The following ARHGEF26 variants were observed in gnomAD, a reference collection of about 807,000 sequenced individuals.
ARHGEF26 encodes Rho guanine nucleotide exchange factor 26.
Under a neutral mutation model 89.4 loss-of-function variants are expected in ARHGEF26, and 59 were observed. That is an observed-to-expected ratio of 0.66 (90% CI 0.54 to 0.82). ARHGEF26 has a LOEUF of 0.82. Ranked by LOEUF, ARHGEF26 falls within the 40% of genes least tolerant of loss-of-function variation. The probability of loss-of-function intolerance (pLI) is 0.00; values close to 1 mark genes in which losing one functional copy is unlikely to be tolerated. For missense variants in ARHGEF26, 1,234 were observed against 1,085.6 expected (o/e 1.14, Z -1.92); for synonymous variants, 500 against 428.4 (o/e 1.17, Z -2.06).
chr3:154,234,468 A>C (rs1482879089), intron 11 of ARHGEF26, among the ~76,000 whole-genome samples: 1 of 152,174 alleles, frequency 6.6e-6, no homozygotes, highest in Non-Finnish European at 1.5e-5. Flanking sequence ...TTTTCTTCAC[A>C]ACTCTTTATG....
chr3:154,239,297 AGAGTGTGT>A (rs1559920614), intron 11 of ARHGEF26, among the ~76,000 whole-genome samples: 2 of 52,950 alleles, frequency 3.8e-5, no homozygotes, highest in Non-Finnish European at 8.1e-5. Flanking sequence ...AGAGAGAGAG[AGAGTGTGT>A]GTGTGTGTGT....
At position 154,231,662 on chromosome 3, in the gene ARHGEF26, A is replaced by G. The variant is rs181110622; in HGVS notation, c.2090+5652A>G. Among the ~76,000 whole-genome samples the G allele has an allele frequency of 6.1e-3, 928 of 152,312 alleles. 3 individuals are homozygous for G. Among genetic ancestry groups the G allele is most frequent in the Non-Finnish European group, 0.01 (681 of 68,024 alleles). On this transcript the variant is annotated intron_variant, in intron 11 of 14. Coordinates refer to ENST00000465093, the MANE Select transcript of ARHGEF26 (RefSeq NM_015595.4). ...TTCTAGAATATTTTATTGTTTTTAA[A>G]AAATGATTTTAAACCTTTACGTAAT...
Position 154,257,139 on chromosome 3 carries a change from C to A in ARHGEF26, c.*1666C>A. On this transcript the variant is annotated 3_prime_UTR_variant, in exon 15 of 15. Coordinates refer to ENST00000465093, the MANE Select transcript of ARHGEF26 (RefSeq NM_015595.4). Reference sequence around the variant, plus strand: ...AAGTGTGCCTGGCTCACACAGCCTGCACCCTGTCACCTCGGCAATGAGCCA... The same window carrying A: ...AAGTGTGCCTGGCTCACACAGCCTGAACCCTGTCACCTCGGCAATGAGCCA... The A allele has an allele frequency of 1.3e-6, 1 of 765,674 alleles. No individual in the cohort carries two copies. The highest frequency in any genetic ancestry group is 1.9e-6 in the Non-Finnish European group (1 of 514,730). 47.4% of individuals were successfully genotyped at this position (765,674 alleles called of 1,614,324 possible). A position where few individuals can be genotyped will look rare whatever the true frequency, so the allele number is the denominator to read the frequency against.
chr3:154,134,654 G>A (rs184514493), intron 4 of ARHGEF26, among the ~76,000 whole-genome samples: 75 of 152,134 alleles, frequency 4.9e-4, no homozygotes, highest in African/African-American at 1.7e-3. Flanking sequence ...ATCTTGTGCT[G>A]GTTTTCAAGG....
chr3:154,234,003 C>T (rs768181353), intron 11 of ARHGEF26, among the ~76,000 whole-genome samples: 1 of 152,222 alleles, frequency 6.6e-6, no homozygotes, highest in Non-Finnish European at 1.5e-5. Flanking sequence ...TGCCAAAAAT[C>T]ATATGAATAT....
At chr3:154,239,552 G>A (rs1010661085) in intron 11 of ARHGEF26, among the ~76,000 whole-genome samples, 3 of 152,016 alleles carry the variant, frequency 2.0e-5, no homozygotes, top group South Asian at 2.1e-4. Flanking sequence ...CTCAGGAGAC[G>A]CCTTGTTCTC....
intron 6 of ARHGEF26, among the ~76,000 whole-genome samples, chr3:154,165,269 T>C (rs1711942520): frequency 2.0e-5 from 3 of 152,166 alleles, no homozygotes. Context: ...ACAAAGCTGC[T>C]TTTGTGATTG....
intron 11 of ARHGEF26, among the ~76,000 whole-genome samples, chr3:154,238,485 A>G (rs2108279441): frequency 1.3e-5 from 2 of 152,308 alleles, no homozygotes; most frequent in South Asian, 2.1e-4. Context: ...GAGCATGACA[A>G]AAGAGTGGTT....
intron 2 of ARHGEF26, among the ~76,000 whole-genome samples, chr3:154,124,090 T>C (rs1360318589): frequency 6.6e-6 from 1 of 152,260 alleles, no homozygotes; most frequent in East Asian, 1.9e-4. Context: ...TCTGCAAGTA[T>C]AGCAAAGTTC....
At chr3:154,206,582 A>G (rs1292709497) in intron 9 of ARHGEF26, among the ~76,000 whole-genome samples, 3 of 152,196 alleles carry the variant, frequency 2.0e-5, no homozygotes, top group Non-Finnish European at 4.4e-5. Context: ...TTCAAGGAGA[A>G]CTACAAACCA....
chr3:154,132,643 C>G (rs898383203), intron 4 of ARHGEF26, among the ~76,000 whole-genome samples: 2 of 152,080 alleles, frequency 1.3e-5, no homozygotes, highest in African/African-American at 4.8e-5. Context: ...TCTGACCCCT[C>G]CTGGTAGTGA....
intron 6 of ARHGEF26, among the ~76,000 whole-genome samples, chr3:154,154,868 C>G (rs1345074440): frequency 1.3e-5 from 2 of 151,998 alleles, no homozygotes; most frequent in Admixed American, 6.6e-5. Context: ...CTCACTGTTA[C>G]AGATAGTTTT....
intron 3 of ARHGEF26, among the ~76,000 whole-genome samples, chr3:154,125,752 ATTTCT>A (rs1049348250): frequency 2.6e-5 from 4 of 152,064 alleles, no homozygotes; most frequent in African/African-American, 9.7e-5. Context: ...GTATCCTCTC[ATTTCT>A]TCTCAAATAT....
intron 9 of ARHGEF26, among the ~76,000 whole-genome samples, chr3:154,196,763 T>TTCCTAGAGTTTCC (rs2108199048): frequency 6.6e-6 from 1 of 152,216 alleles, no homozygotes; most frequent in Admixed American, 6.5e-5. Context: ...CTGTGCTGCT[T>TTCCTAGAGTTTCC]TCCTAGAGGA....
At position 154,239,289 on chromosome 3, in the gene ARHGEF26, A is replaced by AGTGT. The variant is rs1717328853; in HGVS notation, c.2091-1080_2091-1079insTGTG. On this transcript the variant is annotated intron_variant, in intron 11 of 14. Transcript: ENST00000465093. ...GAGAGAGAGAGAGAGAGAGAGAGAG[A>AGTGT]GAGAGAGAGAGTGTGTGTGTGTGTG... 4.9e-4 allele frequency among the ~76,000 whole-genome samples: 51 copies of AGTGT among 103,676 alleles called. 1 individual carries two copies. The East Asian group carries it at 0.012, about 25-fold the overall frequency. 68.0% of individuals were successfully genotyped at this position (103,676 alleles called of 152,430 possible).
intron 6 of ARHGEF26, among the ~76,000 whole-genome samples, chr3:154,186,162 C>CACACACAG (rs1365745985): frequency 6.6e-6 from 1 of 151,518 alleles, no homozygotes; most frequent in Non-Finnish European, 1.5e-5. Flanking sequence ...CACACACACA[C>CACACACAG]ACACCCCTAT....
rs531298219 is a variant in ARHGEF26, at chr3:154,175,310, A to C, written c.1488-12375A>C. ...AAGCTGCATATTGTAGGCTATTTCT[A>C]CTGTTGGAGAGGGAGGGCGGGCATT... On this transcript the variant is annotated intron_variant, in intron 6 of 14. Transcript: ENST00000465093. 3.3e-5 allele frequency among the ~76,000 whole-genome samples: 5 copies of C among 152,106 alleles called. No homozygotes were observed. The South Asian group carries it at 8.3e-4, about 25-fold the overall frequency.
At chr3:154,147,069 T>C (rs1719745333) in intron 4 of ARHGEF26, among the ~76,000 whole-genome samples, 1 of 152,236 alleles carries the variant, frequency 6.6e-6, no homozygotes, top group Admixed American at 6.5e-5. Flanking sequence ...GCTGTCTACA[T>C]GTTCCCATTT....
intron 11 of ARHGEF26, among the ~76,000 whole-genome samples, chr3:154,233,581 C>T (rs1457064392): frequency 6.6e-6 from 1 of 152,126 alleles, no homozygotes; most frequent in Non-Finnish European, 1.5e-5. Flanking sequence ...CATTAAATTC[C>T]TCAGAGGGAT....
Sources: gnomAD v4.1 joint callset for allele counts (sites outside exome capture counted in the v4.1 genomes callset) on GRCh38, gnomAD v4.1.1 for gene constraint, MANE v1.5 for transcripts, NCBI Gene and HGNC (gene_info 2026-07-23, HGNC 2026-07-21) for gene names.